The following RET variants were observed in gnomAD, a reference collection of about 807,000 sequenced individuals.
The protein encoded by RET is proto-oncogene tyrosine-protein kinase receptor Ret.
RET carries 19 observed loss-of-function variants against 118.3 expected under a neutral mutation model. The observed-to-expected ratio is 0.16, with a 90% CI of 0.11 to 0.24. The LOEUF is 0.24. Ranked by LOEUF, RET falls within the 10% of genes least tolerant of loss-of-function variation. The pLI, the probability that RET is intolerant of heterozygous loss-of-function variation, is 1.00. For synonymous variants in RET, 597 were observed against 644.1 expected, an observed-to-expected ratio of 0.93 and a Z score of 1.11; for missense variants, 1,219 against 1,502.1, an observed-to-expected ratio of 0.81 and a Z score of 3.12.
At position 43,128,816 on chromosome 10, in the gene RET, C is replaced by T; in HGVS notation, c.*547C>T. The stretch of plus-strand genomic sequence containing the variant: ...CTCCAGGGCTGGAGGGGAAGAGGGG[C>T]CCCGAGGATGGGCCTGGGCTCAGCA... On this transcript the variant is annotated 3_prime_UTR_variant, in exon 20 of 20. Coordinates refer to ENST00000355710, the MANE Select transcript of RET (RefSeq NM_020975.6). The T allele has an allele frequency of 4.0e-6, 1 of 250,682 alleles. No homozygotes were observed. The highest frequency in any genetic ancestry group is 2.2e-5 in the African/African-American group (1 of 45,406). The allele number at this position is 250,682 out of a possible 1,614,324, so 15.5% of individuals were successfully genotyped here. A position where few individuals can be genotyped will look rare whatever the true frequency, so the allele number is the denominator to read the frequency against.
At chr10:43,078,068 G>A (rs1287294323) in intron 1 of RET, among the ~76,000 whole-genome samples, 1 of 152,224 alleles carries the variant, frequency 6.6e-6, no homozygotes, top group African/African-American at 2.4e-5. Flanking sequence ...GCCAGCCAGC[G>A]TTGGTGCTGG....
intron 1 of RET, among the ~76,000 whole-genome samples, chr10:43,099,471 A>G (rs1336718240): frequency 3.3e-5 from 5 of 152,074 alleles, no homozygotes; most frequent in Admixed American, 1.3e-4. Flanking sequence ...AGATTGCACC[A>G]TTGCATTCCA....
intron 6 of RET, 127 bp from the exon 7 acceptor site, chr10:43,111,080 G>A (rs1487981541): frequency 3.0e-6 from 4 of 1,349,354 alleles, no homozygotes; most frequent in Admixed American, 1.8e-5. Context: ...GGGTGCTCGG[G>A]GGGGCTGCTG....
At chr10:43,116,798 T>TCA in intron 12 of RET, 67 bp downstream of exon 12, 2 of 1,552,058 alleles carry the variant, frequency 1.3e-6, no homozygotes, top group South Asian at 1.1e-5. Flanking sequence ...GTGAGGCCCC[T>TCA]CCTGCCCAGC....
intron 1 of RET, among the ~76,000 whole-genome samples, chr10:43,083,906 A>G (rs975211865): frequency 5.3e-5 from 8 of 152,366 alleles, no homozygotes; most frequent in Non-Finnish European, 1.0e-4. Context: ...GCATCACCCC[A>G]AAAGGAAACC....
intron 1 of RET, among the ~76,000 whole-genome samples, chr10:43,079,878 C>T (rs11239874): frequency 0.028 from 4,294 of 152,250 alleles, 218 homozygotes; most frequent in African/African-American, 0.097. Flanking sequence ...TTCCTTCTCC[C>T]CTTTCTCTGG....
intron 16 of RET, among the ~76,000 whole-genome samples, chr10:43,122,592 G>A (rs1235595789): frequency 6.6e-6 from 1 of 152,114 alleles, no homozygotes; most frequent in Admixed American, 6.5e-5. Flanking sequence ...AGTCAGCAGA[G>A]GTGTGATGTG....
In RET at chr10:43,114,558, C is replaced by G. The variant is rs753724503; in HGVS notation, c.1958C>G (p.Ser653Cys). 3.7e-5 allele frequency: 59 copies of G among 1,611,690 alleles called. No homozygotes were observed. Among genetic ancestry groups the G allele is most frequent in the Non-Finnish European group, 5.0e-5 (59 of 1,180,008 alleles). ...TCCTTCATCGTCTCGGTGCTGCTGTCTGCCTTCTGCATCCACTGCTACCAC... is the reference window on the plus strand; with the variant it reads ...TCCTTCATCGTCTCGGTGCTGCTGTGTGCCTTCTGCATCCACTGCTACCAC... ...LFSFIVSVLL[S>C]AFCIHCYHKF... is the part of the protein sequence containing the mutation. Residue 653 changes from serine to cysteine, a missense_variant, in exon 11 of 20, where the codon TCT becomes TGT. By Grantham distance (112) the Ser-to-Cys change is moderately radical. This residue lies in a region of RET where 850 missense variants were observed against 969.6 expected (regional missense o/e 0.88). Transcript: ENST00000355710. The surrounding 1 kb of genome is among the most constrained non-coding windows in gnomAD (Gnocchi z 4.6).
chr10:43,124,190 C>G (rs1400441684), intron 17 of RET, among the ~76,000 whole-genome samples: 1 of 152,070 alleles, frequency 6.6e-6, no homozygotes, highest in Non-Finnish European at 1.5e-5. Context: ...TGGGCTGCAA[C>G]CTGAGAGGTT....
intron 3 of RET, among the ~76,000 whole-genome samples, chr10:43,103,215 G>A (rs1837681428): frequency 6.6e-6 from 1 of 152,136 alleles, no homozygotes; most frequent in Non-Finnish European, 1.5e-5. Context: ...AACATGGGGA[G>A]CTATGGAAGA....
intron 19 of RET, among the ~76,000 whole-genome samples, chr10:43,127,817 G>GC (rs1838367978): frequency 6.6e-6 from 1 of 152,162 alleles, no homozygotes; most frequent in Admixed American, 6.5e-5. Context: ...GCCCTACACT[G>GC]CCTTAGAAAA....
At chr10:43,110,263 C>T (rs558505733) in intron 6 of RET, among the ~76,000 whole-genome samples, 1 of 152,348 alleles carries the variant, frequency 6.6e-6, no homozygotes, top group South Asian at 2.1e-4. Flanking sequence ...GCCTCAGCCT[C>T]ACTGTGGTCT....
chr10:43,118,502 G>A (rs771867950), intron 13 of RET, 22 bp downstream of exon 13: 1 of 1,577,918 alleles, frequency 6.3e-7, no homozygotes, highest in Non-Finnish European at 8.7e-7. Context: ...TGCAGGGTGA[G>A]GTGGGCAGCC....
At chr10:43,083,591 C>T (rs901411234) in intron 1 of RET, among the ~76,000 whole-genome samples, 1 of 152,152 alleles carries the variant, frequency 6.6e-6, no homozygotes, top group East Asian at 1.9e-4. Context: ...GTCACATGGT[C>T]GTTCTCACCC....
chr10:43,113,121 G>A (rs1048864305), intron 9 of RET, among the ~76,000 whole-genome samples, 158 bp downstream of exon 9: 1 of 152,174 alleles, frequency 6.6e-6, no homozygotes, highest in African/African-American at 2.4e-5. Flanking sequence ...TGGGGAGGGA[G>A]CAGGCAGGGT....
At chr10:43,124,843 C>T in intron 17 of RET, 40 bp from the exon 18 acceptor site, 2 of 1,600,706 alleles carry the variant, frequency 1.2e-6, no homozygotes, top group South Asian at 2.2e-5. Flanking sequence ...GAGACCTGGC[C>T]CTGCTTGGAT....
At chr10:43,122,582 A>G (rs958141277) in intron 16 of RET, among the ~76,000 whole-genome samples, 1 of 152,184 alleles carries the variant, frequency 6.6e-6, no homozygotes, top group Admixed American at 6.5e-5. Context: ...AGTGTTCTAC[A>G]GTCAGCAGAG....
chr10:43,117,094 T>G (rs894938085), intron 12 of RET, among the ~76,000 whole-genome samples: 3 of 152,246 alleles, frequency 2.0e-5, no homozygotes, highest in African/African-American at 7.2e-5. Flanking sequence ...GGACTGGCCC[T>G]CAATCTCAAG....
chr10:43,120,477 A>G (rs1170684494), intron 15 of RET, among the ~76,000 whole-genome samples: 1 of 152,228 alleles, frequency 6.6e-6, no homozygotes, highest in Non-Finnish European at 1.5e-5. Flanking sequence ...TTCAGAGGCC[A>G]CCTCATGCTG....
Sources: allele counts gnomAD v4.1 joint callset (sites outside exome capture counted in the v4.1 genomes callset), GRCh38; gene constraint gnomAD v4.1.1; regional missense constraint gnomAD v4.1.1; non-coding constraint Gnocchi (gnomAD v3.1); transcripts MANE v1.5; gene names NCBI Gene and HGNC (gene_info 2026-07-23, HGNC 2026-07-21).